CCDC93: variants seen among roughly 807,000 people sequenced by gnomAD.
CCDC93 encodes CCC complex scaffolding subunit CCDC93.
CCDC93 carries 61 observed loss-of-function variants against 108.2 expected under a neutral mutation model. The ratio of observed to expected loss-of-function variants is 0.56; its 90% CI spans 0.46 to 0.70. The LOEUF (loss-of-function observed/expected upper bound fraction) is 0.70. Ranked by LOEUF, CCDC93 falls within the 30% of genes least tolerant of loss-of-function variation. CCDC93 has a pLI of 0.00. For synonymous variants in CCDC93, 276 were observed against 260.4 expected (o/e 1.06, Z -0.58); for missense variants, 685 against 764.2 (o/e 0.90, Z 1.22).
intron 12 of CCDC93, among the ~76,000 whole-genome samples, chr2:117,955,136 G>A (rs1679179177): frequency 1.3e-5 from 2 of 152,240 alleles, no homozygotes; most frequent in East Asian, 1.9e-4. Context: ...GATGTTGTGC[G>A]AACTGAGTCA....
chr2:117,936,778 C>G, intron 20 of CCDC93, 39 bp from the exon 21 acceptor site: 3 of 1,570,774 alleles, frequency 1.9e-6, no homozygotes, highest in Non-Finnish European at 2.6e-6. Context: ...ATAAGACAGG[C>G]AAAAAGATTT....
At chr2:118,000,608 C>T (rs1680814800) in intron 4 of CCDC93, 1 of 488,918 alleles carries the variant, frequency 2.0e-6, no homozygotes, top group Non-Finnish European at 3.6e-6. Flanking sequence ...ATTCAAAGAT[C>T]TTATCAGGTG....
chr2:117,948,128 G>C lies in CCDC93; in HGVS notation c.1201C>G (p.Gln401Glu). 1 of 1,613,656 alleles carries C rather than the reference G, an allele frequency of 6.2e-7. No homozygotes were observed. Among genetic ancestry groups the C allele is most frequent in the East Asian group, 2.2e-5 (1 of 44,878 alleles). The change falls in exon 15 of 24, where the codon CAG becomes GAG. Residue 401 changes from glutamine to glutamate, a missense_variant. Gln to Glu is a conservative substitution (Grantham distance 29). Coordinates refer to ENST00000376300, the MANE Select transcript of CCDC93 (RefSeq NM_019044.5). Reference sequence around the variant, plus strand: ...ACTCGACAATGTGCTTTAAATTCCTGTTCTTGACTTTTCAGATTTTCATTC... The same window carrying C: ...ACTCGACAATGTGCTTTAAATTCCTCTTCTTGACTTTTCAGATTTTCATTC... ...AMNENLKSQE[Q>E]EFKAHCREEM...
intron 6 of CCDC93, among the ~76,000 whole-genome samples, chr2:117,989,772 G>A (rs1249774811): frequency 6.6e-6 from 1 of 152,156 alleles, no homozygotes. Context: ...TATAGTAAGG[G>A]CTAAGATATA....
intron 1 of CCDC93, among the ~76,000 whole-genome samples, chr2:118,009,624 A>C (rs147218940): frequency 5.1e-4 from 77 of 152,306 alleles, no homozygotes; most frequent in African/African-American, 1.7e-3. Flanking sequence ...GTGAGGTGAG[A>C]CTGTGCCATT....
At position 117,995,516 on chromosome 2, in the gene CCDC93, CAG is replaced by C; in HGVS notation, c.463-16_463-15del. 1 of 1,608,954 alleles carries C rather than the reference CAG, an allele frequency of 6.2e-7. No individual in the cohort carries two copies. The highest frequency in any genetic ancestry group is 8.5e-7 in the Non-Finnish European group (1 of 1,175,322). On this transcript the variant is annotated splice_polypyrimidine_tract_variant and intron_variant, in intron 5 of 23. Coordinates refer to ENST00000376300, the MANE Select transcript of CCDC93 (RefSeq NM_019044.5). ...GAAGTCATCATCCTACAAGACAAAA[CAG>C]AGCGATTAAACAAATCCCAAGGGAA...
intron 7 of CCDC93, among the ~76,000 whole-genome samples, chr2:117,982,463 T>TA (rs1680175044): frequency 6.6e-6 from 1 of 152,130 alleles, no homozygotes; most frequent in East Asian, 1.9e-4. Context: ...TTTTAACAGA[T>TA]AAACAGTCCT....
intron 3 of CCDC93, among the ~76,000 whole-genome samples, chr2:118,003,231 T>TCAC (rs1165213260): frequency 8.5e-5 from 13 of 152,338 alleles, no homozygotes; most frequent in African/African-American, 3.1e-4. Context: ...ATGGGATAGC[T>TCAC]TGGTAGTGAA....
intron 11 of CCDC93, among the ~76,000 whole-genome samples, chr2:117,971,780 A>G (rs973136248): frequency 6.6e-5 from 10 of 152,224 alleles, no homozygotes; most frequent in African/African-American, 1.9e-4. Flanking sequence ...ACAACTATAC[A>G]CAACTATGAA....
intron 20 of CCDC93, 93 bp from the exon 21 acceptor site, chr2:117,936,832 T>C: frequency 1.1e-6 from 1 of 939,362 alleles, no homozygotes; most frequent in Non-Finnish European, 1.8e-6. Context: ...CTCCACATAC[T>C]GCTTCTGCAA....
intron 22 of CCDC93, among the ~76,000 whole-genome samples, chr2:117,931,899 G>C (rs893202373): frequency 6.6e-6 from 1 of 152,168 alleles, no homozygotes; most frequent in Admixed American, 6.5e-5. Flanking sequence ...AGAACCTACT[G>C]AGTAGCTACG....
chr2:118,010,248 C>A (rs1042451547), intron 1 of CCDC93, among the ~76,000 whole-genome samples: 2 of 152,176 alleles, frequency 1.3e-5, no homozygotes, highest in Non-Finnish European at 2.9e-5. Context: ...AGCCATCGCG[C>A]CTGGCCGTAT....
chr2:117,988,886 A>T (rs894897267), intron 6 of CCDC93, among the ~76,000 whole-genome samples: 1 of 152,154 alleles, frequency 6.6e-6, no homozygotes. Flanking sequence ...GTAAGTATAC[A>T]TCTTCTGCTC....
At position 117,981,148 on chromosome 2, in the gene CCDC93, T is replaced by A. The variant is rs75457848; in HGVS notation, c.621-3118A>T. ...TAGCAATTATGAATTGCTAAATTCATAATTGTGCAATATATTATGCAACAT... is the reference window on the plus strand; with the variant it reads ...TAGCAATTATGAATTGCTAAATTCAAAATTGTGCAATATATTATGCAACAT... On this transcript the variant is annotated intron_variant, in intron 7 of 23. Transcript: ENST00000376300. 6.2e-3 allele frequency among the ~76,000 whole-genome samples: 945 copies of A among 152,334 alleles called. 65 individuals carry two copies. The East Asian group carries it at 0.15, about 24-fold the overall frequency.
chr2:117,986,000 G>C lies in CCDC93; in HGVS notation c.589C>G (p.Arg197Gly). The C allele has an allele frequency of 6.2e-7, 1 of 1,613,076 alleles. No homozygotes were observed. The highest frequency in any genetic ancestry group is 8.5e-7 in the Non-Finnish European group (1 of 1,179,256). The stretch of plus-strand genomic sequence containing the variant: ...TATTCCAAAAGTGTAGCATGGATTC[G>C]AGATTCTTCATCAAGTAGCTCCTCT... ...GAEELLDEES[R>G]IHATLLEYGR... Residue 197 changes from arginine to glycine, a missense_variant, in exon 7 of 24, where the codon CGA (arginine) becomes GGA (glycine). Arg to Gly is a moderately radical substitution (Grantham distance 125, BLOSUM62 -2). Coordinates refer to ENST00000376300, the MANE Select transcript of CCDC93 (RefSeq NM_019044.5).
rs1237247088 is a variant in CCDC93, at chr2:118,008,610, G to C, written c.91C>G (p.Leu31Val). 4.3e-6 allele frequency: 7 copies of C among 1,613,690 alleles called. No individual in the cohort carries two copies. The highest frequency in any genetic ancestry group is 5.1e-6 in the Non-Finnish European group (6 of 1,179,782). ...EEQNVKLTEI[L>V]ELLVAAGYFR... ...TACCCAGCTGCAACCAAGAGCTCCA[G>C]AATTTCAGTCAACTTGACATTTTGT... The change falls in exon 2 of 24, where the codon CTG becomes GTG. Residue 31 changes from leucine to valine, a missense_variant. Leu to Val is a conservative substitution (Grantham distance 32). Transcript: ENST00000376300.
chr2:117,935,124 G>A (rs149814782), intron 22 of CCDC93, among the ~76,000 whole-genome samples: 99 of 152,270 alleles, frequency 6.5e-4, no homozygotes, highest in African/African-American at 2.2e-3. Context: ...CAGATCCACC[G>A]AGGAAGTGAA....
intron 10 of CCDC93, 49 bp downstream of exon 10, chr2:117,974,801 C>T (rs1284548116): frequency 1.4e-6 from 2 of 1,414,352 alleles, no homozygotes; most frequent in East Asian, 4.9e-5. Context: ...CCCAGCAGAG[C>T]AGGGTGGTGC....
At chr2:117,992,037 G>A (rs1378544444) in intron 6 of CCDC93, among the ~76,000 whole-genome samples, 1 of 152,114 alleles carries the variant, frequency 6.6e-6, no homozygotes, top group East Asian at 1.9e-4. Context: ...AGAAACCTAC[G>A]CAGACAGCTC....
Sources: allele counts gnomAD v4.1 joint callset (sites outside exome capture counted in the v4.1 genomes callset), GRCh38; gene constraint gnomAD v4.1.1; transcripts MANE v1.5; gene names NCBI Gene and HGNC (gene_info 2026-07-23, HGNC 2026-07-21).